Variants in TRHDE observed in about 807,000 individuals in gnomAD.
The protein encoded by TRHDE is thyrotropin-releasing hormone-degrading ectoenzyme.
TRHDE carries 72 observed loss-of-function variants against 125.7 expected under a neutral mutation model. The observed-to-expected ratio is 0.57, with a 90% CI of 0.47 to 0.70. The LOEUF (loss-of-function observed/expected upper bound fraction) is 0.70, where lower values mean the gene tolerates loss of function less well. TRHDE is among the 30% of genes least tolerant of loss of function. The probability of loss-of-function intolerance (pLI) is 0.00; values close to 1 mark genes in which losing one functional copy is unlikely to be tolerated. For missense variants in TRHDE, 1,110 were observed against 1,327.1 expected, an observed-to-expected ratio of 0.84 and a Z score of 2.54; for synonymous variants, 509 against 509.1, an observed-to-expected ratio of 1.00 and a Z score of 0.00.
chr12:72,545,517 T>C (rs1869374614), intron 7 of TRHDE, among the ~76,000 whole-genome samples: 1 of 151,634 alleles, frequency 6.6e-6, no homozygotes, highest in South Asian at 2.1e-4. Context: ...ATATTTAATT[T>C]GGGACAGCTG....
rs1875112135 is a variant in TRHDE, at chr12:72,666,311, G to A, written c.*3116G>A. The stretch of plus-strand genomic sequence containing the variant: ...TGCCTGTAATCCCAGCACTTTGGGA[G>A]GCTGAGGGTGGGAGGATCACTTGAG... On this transcript the variant is annotated 3_prime_UTR_variant, in exon 19 of 19. Coordinates refer to ENST00000261180, the MANE Select transcript of TRHDE (RefSeq NM_013381.3). 6.6e-6 allele frequency: 1 copy of A among 152,152 alleles called. No individual in the cohort carries two copies. The highest frequency in any genetic ancestry group is 2.4e-5 in the African/African-American group (1 of 41,436). 9.4% of individuals were successfully genotyped at this position (152,152 alleles called of 1,614,324 possible). A position where few individuals can be genotyped will look rare whatever the true frequency, so the allele number is the denominator to read the frequency against.
At chr12:72,573,161 G>T (rs1309344283) in intron 10 of TRHDE, among the ~76,000 whole-genome samples, 5 of 151,772 alleles carry the variant, frequency 3.3e-5, no homozygotes, top group African/African-American at 1.2e-4. Context: ...CAATAAAAAA[G>T]AAACAACATT....
intron 2 of TRHDE, among the ~76,000 whole-genome samples, chr12:72,305,943 C>CT (rs1207346064): frequency 6.6e-6 from 1 of 152,172 alleles, no homozygotes; most frequent in Admixed American, 6.5e-5. Flanking sequence ...GCCATTATTA[C>CT]TTTTTAGCTT....
At chr12:72,489,594 T>C (rs1006595505) in intron 5 of TRHDE, among the ~76,000 whole-genome samples, 3 of 151,754 alleles carry the variant, frequency 2.0e-5, no homozygotes, top group Non-Finnish European at 4.4e-5. Flanking sequence ...ATTTAAAATA[T>C]GTTACAAGGA....
intron 12 of TRHDE, among the ~76,000 whole-genome samples, chr12:72,581,831 A>G (rs554653545): frequency 1.1e-3 from 167 of 151,738 alleles, no homozygotes; most frequent in Admixed American, 3.4e-3. Context: ...CACCGGGCGC[A>G]GTGGCTCACA....
At chr12:72,316,139 C>T (rs970612072) in intron 2 of TRHDE, among the ~76,000 whole-genome samples, 1 of 152,076 alleles carries the variant, frequency 6.6e-6, no homozygotes, top group African/African-American at 2.4e-5. Flanking sequence ...ATGCACAAAT[C>T]CAAGGAAATT....
intron 15 of TRHDE, among the ~76,000 whole-genome samples, chr12:72,633,276 A>T (rs894837787): frequency 7.2e-5 from 11 of 152,030 alleles, no homozygotes; most frequent in African/African-American, 9.7e-5. Flanking sequence ...CTTTCTTTTC[A>T]TATAGAAAGA....
chr12:72,670,352 T>G lies in TRHDE; in HGVS notation c.*7157T>G, dbSNP rs978962541. 1.3e-5 allele frequency: 2 copies of G among 151,760 alleles called. No homozygotes were observed. Among genetic ancestry groups the G allele is most frequent in the South Asian group, 4.1e-4 (2 of 4,832 alleles). 9.4% of individuals were successfully genotyped at this position (151,760 alleles called of 1,614,324 possible). On this transcript the variant is annotated 3_prime_UTR_variant, in exon 19 of 19. Coordinates refer to ENST00000261180, the MANE Select transcript of TRHDE (RefSeq NM_013381.3). ...TATTCAACATGAAATTTTTAGTCTT[T>G]TCTGACCAAGCACTAATAAAATTGA... is the stretch of plus-strand genomic sequence containing the variant.
Position 72,564,653 on chromosome 12 carries a change from A to ATTTTTTTTTTTTT in TRHDE, c.2042+1633_2042+1645dup, listed in dbSNP as rs538823843. ...TGGAATTATAAAATCATGCGTATGA[A>ATTTTTTTTTTTTT]TTTTTTTTTTTTTTTTTTTTTTTTT... On this transcript the variant is annotated intron_variant, in intron 9 of 18. Coordinates refer to ENST00000261180, the MANE Select transcript of TRHDE (RefSeq NM_013381.3). 2.3e-3 allele frequency among the ~76,000 whole-genome samples: 126 copies of ATTTTTTTTTTTTT among 54,316 alleles called. 26 individuals carry two copies. Among genetic ancestry groups the ATTTTTTTTTTTTT allele is most frequent in the Middle Eastern group, 0.022 (1 of 46 alleles). The allele number at this position is 54,316 out of a possible 152,430, so 35.6% of individuals were successfully genotyped here.
chr12:72,536,992 T>C (rs2135981968), intron 6 of TRHDE, among the ~76,000 whole-genome samples: 1 of 152,166 alleles, frequency 6.6e-6, no homozygotes, highest in African/African-American at 2.4e-5. Flanking sequence ...ATGTAAATAT[T>C]TTGAATTGGG....
intron 3 of TRHDE, among the ~76,000 whole-genome samples, chr12:72,394,740 A>T (rs1247142543): frequency 6.6e-6 from 1 of 152,144 alleles, no homozygotes; most frequent in Non-Finnish European, 1.5e-5. Flanking sequence ...CAAGTGGTAT[A>T]GGTGTCATAT....
chr12:72,186,973 G>A (rs1218263938), intron 2 of TRHDE, among the ~76,000 whole-genome samples: 1 of 151,926 alleles, frequency 6.6e-6, no homozygotes, highest in Non-Finnish European at 1.5e-5. Flanking sequence ...GAAGAGAGAA[G>A]GATGAGGCAT....
chr12:72,628,016 A>C lies in TRHDE; in HGVS notation c.2675+6265A>C, dbSNP rs189114510. Among the ~76,000 whole-genome samples, 292 of 151,946 alleles carry C rather than the reference A, an allele frequency of 1.9e-3. 1 individual carries two copies. Among genetic ancestry groups the C allele is most frequent in the African/African-American group, 6.1e-3 (252 of 41,508 alleles). On this transcript the variant is annotated intron_variant, in intron 15 of 18. Coordinates refer to ENST00000261180, the MANE Select transcript of TRHDE (RefSeq NM_013381.3). Reference sequence around the variant, plus strand: ...ATTGCATATTTCTTCCATAGTTATAAGTTTACTTGTTTTAACCAGTATTAG... The same window carrying C: ...ATTGCATATTTCTTCCATAGTTATACGTTTACTTGTTTTAACCAGTATTAG...
intron 2 of TRHDE, among the ~76,000 whole-genome samples, chr12:72,197,996 C>T (rs1318603051): frequency 6.6e-6 from 1 of 152,016 alleles, no homozygotes; most frequent in Non-Finnish European, 1.5e-5. Context: ...TCCTAGCCAA[C>T]ATGAATTTAC....
intron 3 of TRHDE, among the ~76,000 whole-genome samples, chr12:72,435,433 C>A (rs1188869165): frequency 6.6e-6 from 1 of 152,008 alleles, no homozygotes; most frequent in Non-Finnish European, 1.5e-5. Context: ...ATATCTAAAC[C>A]AGGATGGGAA....
At chr12:72,508,296 A>G (rs754549420) in intron 6 of TRHDE, among the ~76,000 whole-genome samples, 1 of 152,184 alleles carries the variant, frequency 6.6e-6, no homozygotes, top group Non-Finnish European at 1.5e-5. Flanking sequence ...AGAAAGCCAC[A>G]AACACTCAAT....
intron 2 of TRHDE, among the ~76,000 whole-genome samples, chr12:72,313,666 C>G (rs1243829686): frequency 6.6e-6 from 1 of 152,120 alleles, no homozygotes; most frequent in East Asian, 1.9e-4. Flanking sequence ...AAGTATGGAA[C>G]ATATAGCACA....
chr12:72,567,400 G>A (rs1365977298), intron 9 of TRHDE, among the ~76,000 whole-genome samples: 1 of 151,388 alleles, frequency 6.6e-6, no homozygotes, highest in Admixed American at 6.6e-5. Flanking sequence ...AGATAGGATT[G>A]GTATAAAATT....
At chr12:72,553,220 G>T (rs1869758538) in intron 7 of TRHDE, among the ~76,000 whole-genome samples, 1 of 152,110 alleles carries the variant, frequency 6.6e-6, no homozygotes, top group Admixed American at 6.6e-5. Context: ...TCAATGGCAT[G>T]ATTTTCTTCT....
Sources: gnomAD v4.1 joint callset for allele counts (sites outside exome capture counted in the v4.1 genomes callset) on GRCh38, gnomAD v4.1.1 for gene constraint, MANE v1.5 for transcripts, NCBI Gene and HGNC (gene_info 2026-07-23, HGNC 2026-07-21) for gene names.